The following RABGAP1L variants were observed in gnomAD, a reference collection of about 807,000 sequenced individuals.
RABGAP1L encodes rab GTPase-activating protein 1-like.
In RABGAP1L, 63 loss-of-function variants were observed where a neutral mutation model predicts 137.7. That is an observed-to-expected ratio of 0.46 (90% CI 0.37 to 0.56). The LOEUF (loss-of-function observed/expected upper bound fraction) is 0.56, where lower values mean the gene tolerates loss of function less well. Ranked by LOEUF, RABGAP1L falls within the 20% of genes least tolerant of loss-of-function variation. The probability of loss-of-function intolerance (pLI) is 0.00; values close to 1 mark genes in which losing one functional copy is unlikely to be tolerated. For missense variants in RABGAP1L, 1,095 were observed against 1,244.0 expected, an observed-to-expected ratio of 0.88 and a Z score of 1.80; for synonymous variants, 431 against 433.7, an observed-to-expected ratio of 0.99 and a Z score of 0.08.
At chr1:174,261,770 TA>T (rs1247417047) in intron 7 of RABGAP1L, among the ~76,000 whole-genome samples, 1 of 152,230 alleles carries the variant, frequency 6.6e-6, no homozygotes, top group Non-Finnish European at 1.5e-5. Context: ...TTTATTTAGG[TA>T]AAAACTCAAG....
In RABGAP1L at chr1:174,892,652, G is replaced by T. The variant is rs149629675; in HGVS notation, c.2341-64805G>T. The T allele has an allele frequency of 9.3e-6, 5 of 535,220 alleles. No homozygotes were observed. In the Admixed American group the frequency reaches 9.8e-5, roughly 10 times the overall value. 33.2% of individuals were successfully genotyped at this position (535,220 alleles called of 1,614,324 possible). A position where few individuals can be genotyped will look rare whatever the true frequency, so the allele number is the denominator to read the frequency against. ...CTTATTTGATGAGGCTGCTAAAGCT[G>T]ATCCACTTTGGGATGGTCCATCACT... On this transcript the variant is annotated intron_variant, in intron 19 of 25. Transcript: ENST00000681986.
intron 17 of RABGAP1L, among the ~76,000 whole-genome samples, chr1:174,729,727 A>T (rs1395859217): frequency 6.6e-6 from 1 of 152,236 alleles, no homozygotes; most frequent in African/African-American, 2.4e-5. Flanking sequence ...AATGCTCCAT[A>T]TCACTAATCA....
intron 19 of RABGAP1L, among the ~76,000 whole-genome samples, chr1:174,953,059 A>G (rs930196334): frequency 6.6e-6 from 1 of 151,536 alleles, no homozygotes; most frequent in African/African-American, 2.4e-5. Flanking sequence ...AAAAGAACTA[A>G]TGCATGTGAA....
chr1:174,736,653 C>T (rs1449333998), intron 17 of RABGAP1L, among the ~76,000 whole-genome samples: 1 of 152,286 alleles, frequency 6.6e-6, no homozygotes, highest in African/African-American at 2.4e-5. Flanking sequence ...TGTGCAGGCG[C>T]TGCCCCTGTG....
intron 10 of RABGAP1L, among the ~76,000 whole-genome samples, chr1:174,292,357 T>A (rs1354345172): frequency 8.1e-5 from 8 of 98,566 alleles, no homozygotes; most frequent in Non-Finnish European, 1.1e-4. Flanking sequence ...TTTTTTTTTT[T>A]ACTGCTTTTT....
At chr1:174,235,057 G>C (rs1671042193) in intron 4 of RABGAP1L, among the ~76,000 whole-genome samples, 1 of 137,954 alleles carries the variant, frequency 7.2e-6, no homozygotes, top group African/African-American at 2.9e-5. Flanking sequence ...CTCATGATTT[G>C]GCTCTCTGTT....
intron 1 of RABGAP1L, among the ~76,000 whole-genome samples, chr1:174,175,856 C>T (rs1380447168): frequency 1.3e-5 from 2 of 152,142 alleles, no homozygotes; most frequent in African/African-American, 4.8e-5. Context: ...AACGCCTGAC[C>T]TCAGGTGATC....
intron 19 of RABGAP1L, among the ~76,000 whole-genome samples, chr1:174,951,672 C>T (rs1336645244): frequency 6.6e-6 from 1 of 152,140 alleles, no homozygotes; most frequent in Admixed American, 6.6e-5. Context: ...TACCAGCCCC[C>T]AACATCCACA....
chr1:174,699,242 C>T (rs1056369737), intron 15 of RABGAP1L, among the ~76,000 whole-genome samples: 5 of 152,238 alleles, frequency 3.3e-5, no homozygotes, highest in Middle Eastern at 3.4e-3. Context: ...ATCTGGCTGC[C>T]TTGGCCTCCC....
intron 20 of RABGAP1L, chr1:174,965,083 C>G: frequency 1.2e-6 from 1 of 828,042 alleles, no homozygotes. Context: ...ACCAAACTTT[C>G]CCAGCTGTAC....
At chr1:174,947,584 A>G (rs1302747417) in intron 19 of RABGAP1L, among the ~76,000 whole-genome samples, 1 of 149,974 alleles carries the variant, frequency 6.7e-6, no homozygotes, top group Non-Finnish European at 1.5e-5. Flanking sequence ...TGCCTGGCTA[A>G]TGTTTTTGTA....
chr1:174,614,901 G>A (rs1006528814), intron 13 of RABGAP1L, among the ~76,000 whole-genome samples: 3 of 152,052 alleles, frequency 2.0e-5, no homozygotes, highest in Non-Finnish European at 2.9e-5. Flanking sequence ...TCTTCACGTA[G>A]TTCTCGAGCC....
chr1:174,741,459 C>A (rs1192272344), intron 17 of RABGAP1L, among the ~76,000 whole-genome samples: 2 of 151,942 alleles, frequency 1.3e-5, no homozygotes, highest in Non-Finnish European at 2.9e-5. Flanking sequence ...ACCTCATGGG[C>A]CCAGATGATC....
chr1:174,603,945 TC>T (rs200485193), intron 13 of RABGAP1L, among the ~76,000 whole-genome samples: 3,422 of 151,514 alleles, frequency 0.023, 61 homozygotes, highest in Middle Eastern at 0.085. Context: ...CTTTTTACTC[TC>T]CCCTCTCCTC....
At chr1:174,391,566 G>A (rs992537743) in intron 12 of RABGAP1L, among the ~76,000 whole-genome samples, 1 of 151,900 alleles carries the variant, frequency 6.6e-6, no homozygotes, top group African/African-American at 2.4e-5. Flanking sequence ...TGGTCTGAAC[G>A]CCTGGGCTCA....
chr1:174,830,147 C>T (rs1464982742), intron 19 of RABGAP1L, among the ~76,000 whole-genome samples: 1 of 147,876 alleles, frequency 6.8e-6, no homozygotes, highest in African/African-American at 2.5e-5. Flanking sequence ...AAGGCAAGAT[C>T]CAGTGCACAA....
chr1:174,248,570 C>T (rs1175694211), intron 5 of RABGAP1L, among the ~76,000 whole-genome samples: 1 of 152,062 alleles, frequency 6.6e-6, no homozygotes, highest in Non-Finnish European at 1.5e-5. Flanking sequence ...AAAGTTAAAA[C>T]TGTTAATTTG....
At chr1:174,327,980 C>CAA in intron 11 of RABGAP1L, among the ~76,000 whole-genome samples, 1 of 105,914 alleles carries the variant, frequency 9.4e-6, no homozygotes, top group African/African-American at 4.1e-5. Flanking sequence ...TATATATATA[C>CAA]ACACACATAT....
intron 19 of RABGAP1L, among the ~76,000 whole-genome samples, chr1:174,824,817 T>A (rs549279426): frequency 1.3e-5 from 2 of 150,982 alleles, no homozygotes; most frequent in African/African-American, 2.4e-5. Flanking sequence ...TAAAAAAAAA[T>A]TTTTTTTTTG....
Sources: allele counts gnomAD v4.1 joint callset (sites outside exome capture counted in the v4.1 genomes callset), GRCh38; gene constraint gnomAD v4.1.1; transcripts MANE v1.5; gene names NCBI Gene and HGNC (gene_info 2026-07-23, HGNC 2026-07-21).